CPT1A: variants seen among roughly 807,000 people sequenced by gnomAD.
CPT1A encodes carnitine O-palmitoyltransferase 1, liver isoform.
Under a neutral mutation model 100.8 loss-of-function variants are expected in CPT1A, and 64 were observed. That is an observed-to-expected ratio of 0.63 (90% CI 0.52 to 0.78). The LOEUF (loss-of-function observed/expected upper bound fraction) is 0.78. Among genes scored for constraint, CPT1A ranks in the 30% least tolerant of loss-of-function variants. CPT1A has a pLI of 0.00. For synonymous variants in CPT1A, 363 were observed against 396.0 expected, an observed-to-expected ratio of 0.92 and a Z score of 0.99; for missense variants, 802 against 1,034.1, an observed-to-expected ratio of 0.78 and a Z score of 3.08.
rs1177855437 is a variant in CPT1A at position 68,755,431 on chromosome 11, A to C, written c.*2213T>G. 1 of 154,618 alleles carries C rather than the reference A, an allele frequency of 6.5e-6. No individual in the cohort carries two copies. The highest frequency in any genetic ancestry group is 1.5e-5 in the Non-Finnish European group (1 of 68,522). 9.6% of individuals were successfully genotyped at this position (154,618 alleles called of 1,614,324 possible). A position where few individuals can be genotyped will look rare whatever the true frequency, so the allele number is the denominator to read the frequency against. On this transcript the variant is annotated 3_prime_UTR_variant, in exon 19 of 19. Transcript: ENST00000265641. ...GGTTTGTTTTTGCTTTTTTTTTTAG[A>C]CGGAGTCTCGCTCTGTCGCCCAGGC...
chr11:68,793,637 T>G (rs1855679840), intron 8 of CPT1A, among the ~76,000 whole-genome samples: 1 of 151,508 alleles, frequency 6.6e-6, no homozygotes, highest in African/African-American at 2.4e-5. Context: ...TCCCAGCTAC[T>G]TGGGAGGTTG....
At chr11:68,824,248 CAA>C (rs34276531) in intron 1 of CPT1A, among the ~76,000 whole-genome samples, 3,287 of 69,022 alleles carry the variant, frequency 0.048, 114 homozygotes, top group African/African-American at 0.13. Flanking sequence ...AGCTCCATCT[CAA>C]AAAAAAAAAA....
chr11:68,782,064 G>T, intron 10 of CPT1A, 105 bp from the exon 11 acceptor site: 2 of 1,102,110 alleles, frequency 1.8e-6, no homozygotes, highest in Admixed American at 2.0e-5. Context: ...AGAATTTCTC[G>T]AAGGAAAACT....
In CPT1A at chr11:68,841,723, A is replaced by C; in HGVS notation, c.-14+52T>G. 1 of 908,106 alleles carries C rather than the reference A, an allele frequency of 1.1e-6. No individual in the cohort carries two copies. The highest frequency in any genetic ancestry group is 1.3e-6 in the Non-Finnish European group (1 of 759,418). The allele number at this position is 908,106 out of a possible 1,614,324, so 56.3% of individuals were successfully genotyped here. ...CGCCCCGCCCGTCCCCGGCCCCCGC[A>C]GCCCGCAGGGCCGCCCCGCCACCCT... On this transcript the variant is annotated intron_variant, in intron 1 of 18. Transcript: ENST00000265641. The surrounding 1 kb of genome is among the most constrained non-coding windows in gnomAD (Gnocchi z 6.3).
chr11:68,787,431 C>CAA (rs773513607), intron 9 of CPT1A, among the ~76,000 whole-genome samples: 77 of 106,790 alleles, frequency 7.2e-4, no homozygotes, highest in African/African-American at 7.8e-4. Context: ...GACTCTGTCT[C>CAA]AAAAAAAAAA....
At chr11:68,828,327 T>A (rs1856786932) in intron 1 of CPT1A, among the ~76,000 whole-genome samples, 1 of 152,168 alleles carries the variant, frequency 6.6e-6, no homozygotes. Flanking sequence ...ACTCCACCAC[T>A]TTGCAGCCTG....
At chr11:68,789,161 G>C (rs1855550403) in intron 9 of CPT1A, among the ~76,000 whole-genome samples, 1 of 152,098 alleles carries the variant, frequency 6.6e-6, no homozygotes, top group Admixed American at 6.6e-5. Context: ...TCTAAATTTT[G>C]GTAGTAATTC....
At chr11:68,757,847 C>CT in intron 18 of CPT1A, 117 bp from the exon 19 acceptor site, 1 of 878,058 alleles carries the variant, frequency 1.1e-6, no homozygotes, top group Non-Finnish European at 1.9e-6. Context: ...TGCCAGTTCT[C>CT]TAAGATCTGA....
intron 3 of CPT1A, among the ~76,000 whole-genome samples, chr11:68,807,955 T>C (rs1346237272): frequency 1.3e-5 from 2 of 152,182 alleles, no homozygotes; most frequent in Non-Finnish European, 2.9e-5. Context: ...CCAGGGCTAA[T>C]TTGTGTCTTC....
chr11:68,761,458 G>A, intron 16 of CPT1A, 77 bp downstream of exon 16: 4 of 1,494,600 alleles, frequency 2.7e-6, no homozygotes, highest in Admixed American at 1.7e-5. Flanking sequence ...ATTAAAATAT[G>A]TTCATGCAAG....
At chr11:68,783,720 G>A (rs568974995) in intron 10 of CPT1A, among the ~76,000 whole-genome samples, 75 of 152,206 alleles carry the variant, frequency 4.9e-4, no homozygotes, top group Non-Finnish European at 9.6e-4. Flanking sequence ...GTGGGCAGAG[G>A]CCAGGGCTGC....
chr11:68,843,443 T>C (rs944183916), upstream of CPT1A, among the ~76,000 whole-genome samples: 6 of 148,094 alleles, frequency 4.1e-5, no homozygotes, highest in African/African-American at 1.5e-4. The surrounding 1 kb of genome is among the most constrained non-coding windows in gnomAD (Gnocchi z 4.0). Flanking sequence ...GATTATCCTG[T>C]AGGATAGATC....
chr11:68,802,458 G>A (rs531266948), intron 5 of CPT1A, among the ~76,000 whole-genome samples: 5 of 151,750 alleles, frequency 3.3e-5, no homozygotes, highest in African/African-American at 7.2e-5. Flanking sequence ...AGGGCCAGGC[G>A]TGGTGGCTCA....
chr11:68,780,243 A>C (rs1208507082), intron 12 of CPT1A, among the ~76,000 whole-genome samples: 4 of 152,146 alleles, frequency 2.6e-5, no homozygotes, highest in African/African-American at 9.7e-5. Context: ...AATCACGCAA[A>C]TATTACAAAA....
chr11:68,762,804 A>G, intron 14 of CPT1A, 43 bp from the exon 15 acceptor site: 3 of 1,612,802 alleles, frequency 1.9e-6, no homozygotes, highest in Non-Finnish European at 2.5e-6. Flanking sequence ...GGGCATGCTG[A>G]TATGTCTAAA....
At chr11:68,760,831 G>A (rs1322736203) in intron 16 of CPT1A, among the ~76,000 whole-genome samples, 3 of 146,738 alleles carry the variant, frequency 2.0e-5, no homozygotes, top group Admixed American at 6.8e-5. Flanking sequence ...TGGGCAACAC[G>A]GTGAAACCCC....
intron 3 of CPT1A, among the ~76,000 whole-genome samples, chr11:68,810,540 TG>T (rs1377284447): frequency 6.6e-6 from 1 of 152,194 alleles, no homozygotes; most frequent in Non-Finnish European, 1.5e-5. Flanking sequence ...TCGATGACTC[TG>T]GAGGGTCCAG....
rs369619747 is a variant in CPT1A, at chr11:68,779,491, T to TAAA, written c.1458+1146_1458+1148dup. ...CAAACAGTTCAGAGTAACGAATTAT[T>TAAA]AAAAAAAAAAAAAAAAAAAAAAGGC... is the stretch of plus-strand genomic sequence containing the variant. On this transcript the variant is annotated intron_variant, in intron 12 of 18. Transcript: ENST00000265641. 5.1e-3 allele frequency among the ~76,000 whole-genome samples: 441 copies of TAAA among 86,766 alleles called. 11 individuals carry two copies. Among genetic ancestry groups the TAAA allele is most frequent in the Middle Eastern group, 0.016 (2 of 126 alleles). The allele number at this position is 86,766 out of a possible 152,430, so 56.9% of individuals were successfully genotyped here.
intron 18 of CPT1A, 67 bp from the exon 19 acceptor site, chr11:68,757,797 C>T: frequency 7.8e-7 from 1 of 1,283,358 alleles, no homozygotes; most frequent in Non-Finnish European, 1.1e-6. Context: ...CAAGCTTTTT[C>T]ATTTGCAATC....
Sources: gnomAD v4.1 joint callset for allele counts (sites outside exome capture counted in the v4.1 genomes callset) on GRCh38, gnomAD v4.1.1 for gene constraint, Gnocchi (gnomAD v3.1) non-coding constraint, MANE v1.5 for transcripts, NCBI Gene and HGNC (gene_info 2026-07-23, HGNC 2026-07-21) for gene names.